Variants in ANKS1B observed in about 807,000 individuals in gnomAD.
ANKS1B encodes ankyrin repeat and sterile alpha motif domain-containing protein 1B.
Under a neutral mutation model 148.3 loss-of-function variants are expected in ANKS1B, and 36 were observed. That is an observed-to-expected ratio of 0.24 (90% CI 0.19 to 0.32). The LOEUF is 0.32. Among genes scored for constraint, ANKS1B ranks in the 10% least tolerant of loss-of-function variants. The pLI is 1.00. For synonymous variants in ANKS1B, 542 were observed against 560.8 expected, an observed-to-expected ratio of 0.97 and a Z score of 0.47; for missense variants, 1,157 against 1,542.6, an observed-to-expected ratio of 0.75 and a Z score of 4.19.
At chr12:98,986,417 A>G (rs1054553023) in intron 17 of ANKS1B, among the ~76,000 whole-genome samples, 5 of 151,154 alleles carry the variant, frequency 3.3e-5, no homozygotes, top group African/African-American at 7.3e-5. Flanking sequence ...TAGTTTAGAT[A>G]ATTTTTATTG....
chr12:99,059,929 C>T (rs1354964532), intron 16 of ANKS1B, among the ~76,000 whole-genome samples: 3 of 151,798 alleles, frequency 2.0e-5, no homozygotes, highest in Non-Finnish European at 2.9e-5. Flanking sequence ...TTTTTTCCAG[C>T]GGGAACATCT....
intron 9 of ANKS1B, among the ~76,000 whole-genome samples, chr12:99,509,147 C>G (rs2096739539): frequency 6.6e-6 from 1 of 151,770 alleles, no homozygotes; most frequent in Non-Finnish European, 1.5e-5. Context: ...GCTCCACCGA[C>G]CAGCCATTCC....
intron 17 of ANKS1B, among the ~76,000 whole-genome samples, chr12:98,880,826 T>A (rs1402279444): frequency 1.3e-5 from 2 of 151,930 alleles, no homozygotes; most frequent in Admixed American, 6.6e-5. Flanking sequence ...AACAACAAGA[T>A]GGGTAGGTTC....
At chr12:99,565,008 A>G (rs2153212668) in intron 9 of ANKS1B, among the ~76,000 whole-genome samples, 1 of 152,326 alleles carries the variant, frequency 6.6e-6, no homozygotes, top group East Asian at 1.9e-4. Flanking sequence ...ATATATTTGG[A>G]TACCCAATCA....
chr12:99,486,094 G>A (rs1217058541), intron 10 of ANKS1B, among the ~76,000 whole-genome samples: 2 of 152,094 alleles, frequency 1.3e-5, no homozygotes, highest in African/African-American at 4.8e-5. Context: ...AGATGTTATA[G>A]AATCCTGTTT....
At chr12:99,204,801 C>T (rs1428417727) in intron 14 of ANKS1B, among the ~76,000 whole-genome samples, 1 of 152,074 alleles carries the variant, frequency 6.6e-6, no homozygotes, top group Non-Finnish European at 1.5e-5. Flanking sequence ...GAGGGTAGCC[C>T]GTGGAAGTCT....
intron 9 of ANKS1B, among the ~76,000 whole-genome samples, chr12:99,554,884 G>A (rs951514551): frequency 1.3e-5 from 2 of 152,116 alleles, no homozygotes; most frequent in Admixed American, 6.6e-5. Flanking sequence ...AGTATCTGTT[G>A]TTCCCTTCTT....
chr12:99,739,739 TC>T (rs2059925234), intron 8 of ANKS1B, among the ~76,000 whole-genome samples: 1 of 152,054 alleles, frequency 6.6e-6, no homozygotes, highest in Non-Finnish European at 1.5e-5. Flanking sequence ...TTCTTTTTTC[TC>T]CCCCTGGAAT....
chr12:99,955,181 C>T (rs2095298008), intron 1 of ANKS1B, among the ~76,000 whole-genome samples: 1 of 152,130 alleles, frequency 6.6e-6, no homozygotes, highest in East Asian at 1.9e-4. Context: ...TTTGCACGGT[C>T]TGGCCTCTAA....
At chr12:99,288,434 A>C (rs2079438413) in intron 12 of ANKS1B, among the ~76,000 whole-genome samples, 1 of 152,170 alleles carries the variant, frequency 6.6e-6, no homozygotes, top group Admixed American at 6.5e-5. Context: ...TCAATCTGAA[A>C]GAAAATAATG....
intron 9 of ANKS1B, among the ~76,000 whole-genome samples, chr12:99,640,096 C>T (rs1438343583): frequency 5.9e-5 from 9 of 152,068 alleles, no homozygotes; most frequent in Admixed American, 3.3e-4. Flanking sequence ...TACTTGAACC[C>T]GGGAGGCAGA....
chr12:98,773,218 C>T (rs374679636), intron 24 of ANKS1B, 39 bp from the exon 25 acceptor site: 38 of 1,567,870 alleles, frequency 2.4e-5, no homozygotes, highest in African/African-American at 4.1e-5. Context: ...TTTTCCTCTG[C>T]GAACCAGCAT....
chr12:99,410,015 A>G (rs1203389931), intron 11 of ANKS1B, among the ~76,000 whole-genome samples: 3 of 152,180 alleles, frequency 2.0e-5, no homozygotes, highest in African/African-American at 4.8e-5. Flanking sequence ...ACTTGCTTCT[A>G]TACATATTTA....
intron 25 of ANKS1B, among the ~76,000 whole-genome samples, chr12:98,762,169 G>C (rs2098416758): frequency 6.6e-6 from 1 of 152,176 alleles, no homozygotes; most frequent in African/African-American, 2.4e-5. Flanking sequence ...GTCTATCAGT[G>C]AATAGAGGCC....
intron 12 of ANKS1B, among the ~76,000 whole-genome samples, chr12:99,369,936 G>A (rs1265005834): frequency 6.6e-6 from 1 of 151,624 alleles, no homozygotes; most frequent in African/African-American, 2.4e-5. Context: ...GTTGTTGGGT[G>A]ATGGGCATAC....
At chr12:99,458,138 C>T (rs181383114) in intron 10 of ANKS1B, among the ~76,000 whole-genome samples, 1 of 152,098 alleles carries the variant, frequency 6.6e-6, no homozygotes, top group Non-Finnish European at 1.5e-5. Flanking sequence ...GAAAACCATG[C>T]AAATACATAG....
chr12:99,787,061 T>A (rs1408000036), intron 4 of ANKS1B, among the ~76,000 whole-genome samples: 1 of 152,182 alleles, frequency 6.6e-6, no homozygotes, highest in South Asian at 2.1e-4. Context: ...ATATTTAAAA[T>A]CAATGGCTTA....
At chr12:98,978,297 T>C (rs1041709703) in intron 17 of ANKS1B, among the ~76,000 whole-genome samples, 5 of 152,242 alleles carry the variant, frequency 3.3e-5, no homozygotes, top group African/African-American at 9.6e-5. Context: ...TTTCCATTAG[T>C]GGTTTATTAG....
intron 17 of ANKS1B, among the ~76,000 whole-genome samples, chr12:98,939,551 G>T (rs115329254): frequency 2.0e-5 from 3 of 152,162 alleles, no homozygotes; most frequent in Admixed American, 2.0e-4. Flanking sequence ...CTTGAAGTCG[G>T]GCAGGCAGGA....
Sources: gnomAD v4.1 joint callset for allele counts (sites outside exome capture counted in the v4.1 genomes callset) on GRCh38, gnomAD v4.1.1 for gene constraint, MANE v1.5 for transcripts, NCBI Gene and HGNC (gene_info 2026-07-23, HGNC 2026-07-21) for gene names.